The following PDE12 variants were observed in gnomAD, a reference collection of about 807,000 sequenced individuals.
PDE12 encodes the protein phosphodiesterase 12, also known as 2',5'-phosphodiesterase 12.
In PDE12, 26 loss-of-function variants were observed where a neutral mutation model predicts 45.4. The ratio of observed to expected loss-of-function variants is 0.57; its 90% CI spans 0.42 to 0.79. The LOEUF is 0.79. PDE12 is among the 30% of genes least tolerant of loss of function. PDE12 has a pLI of 0.00. For missense variants in PDE12, 668 were observed against 790.0 expected (o/e 0.85, Z 1.85); for synonymous variants, 283 against 323.9 (o/e 0.87, Z 1.36).
the PDE12 span, among the ~76,000 whole-genome samples, chr3:57,574,132 G>A: frequency 6.6e-6 from 1 of 150,992 alleles, no homozygotes; most frequent in Admixed American, 6.6e-5. Flanking sequence ...GTAGAGATGG[G>A]GTTTCATCAT....
At chr3:57,653,396 T>C in the PDE12 span, among the ~76,000 whole-genome samples, 1 of 152,176 alleles carries the variant, frequency 6.6e-6, no homozygotes, top group Non-Finnish European at 1.5e-5. Flanking sequence ...GTTGTTTTTT[T>C]GGGTGGGAGG....
the PDE12 span, among the ~76,000 whole-genome samples, chr3:57,640,271 AAAAAAAAAAC>A: frequency 0.012 from 1,789 of 150,714 alleles, 37 homozygotes; most frequent in African/African-American, 0.041. Context: ...TCTGTCTCAA[AAAAAAAAAAC>A]AAAAAAAAAC....
At position 57,556,735 on chromosome 3, in the gene PDE12, G is replaced by C. The variant is rs1403707363; in HGVS notation, c.356G>C (p.Cys119Ser). Reference sequence around the variant, plus strand: ...CCGGGGCCTGAGCCGGCTGTGTTCTGCGAGCCCGTGGTGAAGCTGTACTAC... The same window carrying C: ...CCGGGGCCTGAGCCGGCTGTGTTCTCCGAGCCCGTGGTGAAGCTGTACTAC... ...SGPGPEPAVF[C>S]EPVVKLYYRE... The change falls in exon 1 of 3, where the codon TGC becomes TCC. Residue 119 changes from cysteine (C) to serine (S), a missense_variant. Cys to Ser is a moderately radical substitution (Grantham distance 112). Coordinates refer to ENST00000311180, the MANE Select transcript of PDE12 (RefSeq NM_177966.7). The surrounding 1 kb of genome is among the most constrained non-coding windows in gnomAD (Gnocchi z 5.0). 6.3e-7 allele frequency: 1 copy of C among 1,596,918 alleles called. No homozygotes were observed. The highest frequency in any genetic ancestry group is 8.6e-7 in the Non-Finnish European group (1 of 1,168,008).
chr3:57,641,753 AAAAAC>A, the PDE12 span: 1 of 1,608,780 alleles, frequency 6.2e-7, no homozygotes, highest in Non-Finnish European at 8.5e-7. Flanking sequence ...AGGGCCTATA[AAAAAC>A]AAAACAAAAC....
chr3:57,632,042 A>T, the PDE12 span, among the ~76,000 whole-genome samples: 2 of 94,232 alleles, frequency 2.1e-5, no homozygotes, highest in African/African-American at 4.2e-5. Context: ...TTTTTTTGAG[A>T]CGGAGTCTCA....
the PDE12 span, among the ~76,000 whole-genome samples, chr3:57,609,589 G>C: frequency 6.6e-6 from 1 of 152,148 alleles, no homozygotes; most frequent in Non-Finnish European, 1.5e-5. Flanking sequence ...ACTACCATCA[G>C]AGAATACTAT....
In PDE12 at chr3:57,559,606, A is replaced by T; in HGVS notation, c.1432A>T (p.Ile478Leu). 6.2e-7 allele frequency: 1 copy of T among 1,613,100 alleles called. No homozygotes were observed. Among genetic ancestry groups the T allele is most frequent in the Non-Finnish European group, 8.5e-7 (1 of 1,179,084 alleles). The change falls in exon 3 of 3, where the codon ATA becomes TTA. Residue 478 changes from isoleucine to leucine, a missense_variant. This residue lies in a region of PDE12 where 580 missense variants were observed against 662.9 expected (regional missense o/e 0.87). Transcript: ENST00000311180. ...TCAAATGGCAGTAGCCTTGGCTCAC[A>T]TAAGACATGTTTCATGTGATCTGTA... ...LIQMAVALAH[I>L]RHVSCDLYPG... is the part of the protein sequence containing the mutation.
chr3:57,570,805 G>A (rs2069833343), downstream of PDE12, among the ~76,000 whole-genome samples: 1 of 152,146 alleles, frequency 6.6e-6, no homozygotes, highest in Non-Finnish European at 1.5e-5. Flanking sequence ...TTGTAGGAAA[G>A]TAGCATCACT....
the PDE12 span, among the ~76,000 whole-genome samples, chr3:57,624,522 C>T: frequency 6.6e-6 from 1 of 151,850 alleles, no homozygotes; most frequent in African/African-American, 2.4e-5. Flanking sequence ...AATCCCAGGA[C>T]TTTGGGAAGC....
the PDE12 span, among the ~76,000 whole-genome samples, chr3:57,620,831 T>G: frequency 6.6e-6 from 1 of 152,056 alleles, no homozygotes; most frequent in Admixed American, 6.6e-5. Context: ...AAAACATACA[T>G]AAATGGAAAA....
At chr3:57,636,418 A>T in the PDE12 span, among the ~76,000 whole-genome samples, 1 of 152,220 alleles carries the variant, frequency 6.6e-6, no homozygotes. Context: ...AAGTAAATGC[A>T]AGATACTGGC....
At chr3:57,575,706 C>A in the PDE12 span, 1 of 1,570,102 alleles carries the variant, frequency 6.4e-7, no homozygotes. Context: ...TAACAACTAC[C>A]AACCGGAATC....
At chr3:57,594,383 T>G in the PDE12 span, among the ~76,000 whole-genome samples, 1 of 152,196 alleles carries the variant, frequency 6.6e-6, no homozygotes, top group African/African-American at 2.4e-5. Flanking sequence ...CCACCACACC[T>G]GGCCAGAAGC....
At chr3:57,652,383 G>A in the PDE12 span, among the ~76,000 whole-genome samples, 1 of 152,128 alleles carries the variant, frequency 6.6e-6, no homozygotes, top group Non-Finnish European at 1.5e-5. Flanking sequence ...AGCTGTGCGA[G>A]TAAGCCTTGT....
the PDE12 span, among the ~76,000 whole-genome samples, chr3:57,612,245 G>T: frequency 9.1e-6 from 1 of 109,688 alleles, no homozygotes; most frequent in African/African-American, 3.5e-5. Context: ...CTGTTGTGGG[G>T]TGGGGGGAGG....
At chr3:57,583,260 T>A in the PDE12 span, among the ~76,000 whole-genome samples, 1 of 152,172 alleles carries the variant, frequency 6.6e-6, no homozygotes, top group Non-Finnish European at 1.5e-5. Flanking sequence ...CATATTAAAG[T>A]TTAAGAAACA....
chr3:57,556,702 G>C lies in PDE12; in HGVS notation c.323G>C (p.Cys108Ser), dbSNP rs2069664942. The C allele has an allele frequency of 6.3e-7, 1 of 1,596,854 alleles. No homozygotes were observed. Among genetic ancestry groups the C allele is most frequent in the South Asian group, 1.1e-5 (1 of 89,566 alleles). The change falls in exon 1 of 3, where the codon TGT (cysteine) becomes TCT (serine). Residue 108 changes from cysteine to serine, a missense_variant. This residue lies in a region of PDE12 where 580 missense variants were observed against 662.9 expected (regional missense o/e 0.87). Coordinates refer to ENST00000311180, the MANE Select transcript of PDE12 (RefSeq NM_177966.7). The surrounding 1 kb of genome is among the most constrained non-coding windows in gnomAD (Gnocchi z 5.0). ...CCGAATGCTAGCGGCGGTGCGGCCT[G>C]TTCAGGGCCGGGGCCTGAGCCGGCT... Reference protein sequence around the residue: ...SRPNASGGAACSGPGPEPAVF... With the variant: ...SRPNASGGAASSGPGPEPAVF...
the PDE12 span, among the ~76,000 whole-genome samples, chr3:57,607,944 C>A: frequency 3.9e-5 from 6 of 152,010 alleles, no homozygotes; most frequent in East Asian, 1.2e-3. Context: ...GTCAGATTCA[C>A]CAAAGTTGAA....
Position 57,557,089 on chromosome 3 carries a change from C to T in PDE12, c.710C>T (p.Pro237Leu), listed in dbSNP as rs755734996. ...GATGTGGAGGAGCGTGTCTACACCC[C>T]GTCCAATGCCGACATCGGGCTAAGG... Reference protein sequence around the residue: ...ETDVEERVYTPSNADIGLRLK... With the variant: ...ETDVEERVYTLSNADIGLRLK... Residue 237 changes from proline to leucine, a missense_variant, in exon 1 of 3, where the codon CCG (proline) becomes CTG (leucine). Around this residue, in one of 3 missense-constraint regions of PDE12, gnomAD observed 580 missense variants for 662.9 expected, o/e 0.87. Coordinates refer to ENST00000311180, the MANE Select transcript of PDE12 (RefSeq NM_177966.7). The T allele has an allele frequency of 2.5e-6, 4 of 1,614,016 alleles. No homozygotes were observed. The highest frequency in any genetic ancestry group is 3.4e-6 in the Non-Finnish European group (4 of 1,180,018).
Sources: allele counts gnomAD v4.1 joint callset (sites outside exome capture counted in the v4.1 genomes callset), GRCh38; gene constraint gnomAD v4.1.1; regional missense constraint gnomAD v4.1.1; non-coding constraint Gnocchi (gnomAD v3.1); transcripts MANE v1.5; gene names NCBI Gene and HGNC (gene_info 2026-07-23, HGNC 2026-07-21).